LRRK1: variants seen among roughly 807,000 people sequenced by gnomAD.
The protein encoded by LRRK1 is leucine rich repeat kinase 1, also known as leucine-rich repeat serine/threonine-protein kinase 1.
LRRK1 carries 113 observed loss-of-function variants against 209.1 expected under a neutral mutation model. That is an observed-to-expected ratio of 0.54 (90% CI 0.46 to 0.63). LRRK1 has a LOEUF of 0.63. LRRK1 is among the 30% of genes least tolerant of loss of function. The pLI, the probability that LRRK1 is intolerant of heterozygous loss-of-function variation, is 0.00. For synonymous variants in LRRK1, 1,144 were observed against 1,099.7 expected, an observed-to-expected ratio of 1.04 and a Z score of -0.80; for missense variants, 2,284 against 2,632.2, an observed-to-expected ratio of 0.87 and a Z score of 2.89.
chr15:101,020,034 A>G (rs2033705374), intron 12 of LRRK1, among the ~76,000 whole-genome samples: 1 of 152,244 alleles, frequency 6.6e-6, no homozygotes. Flanking sequence ...TAAGAAGCAT[A>G]AAAACAGCCA....
chr15:100,967,125 A>G (rs932833343), intron 2 of LRRK1, among the ~76,000 whole-genome samples: 1 of 152,166 alleles, frequency 6.6e-6, no homozygotes, highest in African/African-American at 2.4e-5. Flanking sequence ...ACAGCAGTTG[A>G]TTCTATTCCT....
At chr15:100,954,959 C>T (rs1228492136) in intron 2 of LRRK1, among the ~76,000 whole-genome samples, 1 of 152,072 alleles carries the variant, frequency 6.6e-6, no homozygotes, top group African/African-American at 2.4e-5. Flanking sequence ...TAGCTATGTT[C>T]TTTCTCAAGA....
chr15:100,927,192 C>A (rs1253782712), intron 2 of LRRK1, among the ~76,000 whole-genome samples: 2 of 152,172 alleles, frequency 1.3e-5, no homozygotes, highest in East Asian at 3.8e-4. Flanking sequence ...CCAGGGATCC[C>A]CCGTTGATTC....
chr15:100,999,051 G>C (rs751808103), intron 6 of LRRK1, among the ~76,000 whole-genome samples: 10 of 152,160 alleles, frequency 6.6e-5, no homozygotes, highest in Admixed American at 1.3e-4. Context: ...TGGAAGTTTT[G>C]TCTTTATTTA....
chr15:100,940,094 G>GT (rs1278686235), intron 2 of LRRK1, among the ~76,000 whole-genome samples: 2 of 152,154 alleles, frequency 1.3e-5, no homozygotes, highest in Non-Finnish European at 2.9e-5. Flanking sequence ...ACGATGCACT[G>GT]TTTCTCCAAG....
At chr15:100,983,049 C>T (rs1056827354) in intron 3 of LRRK1, among the ~76,000 whole-genome samples, 7 of 152,152 alleles carry the variant, frequency 4.6e-5, no homozygotes, top group Non-Finnish European at 8.8e-5. Flanking sequence ...GTGGCATGTG[C>T]CTGCAGTCCC....
Position 101,027,488 on chromosome 15 carries a change from C to T in LRRK1, c.2526+107C>T, listed in dbSNP as rs910506257. On this transcript the variant is annotated intron_variant, in intron 18 of 33. Transcript: ENST00000388948. The surrounding 1 kb of genome is among the most constrained non-coding windows in gnomAD (Gnocchi z 5.1). ...AAGCCCATGTCTGTGTGGCAAGGCT[C>T]GGTGGTTCCTGGTGAGGGAGGGTCA... is the stretch of plus-strand genomic sequence containing the variant. The T allele has an allele frequency of 5.2e-5, 80 of 1,525,034 alleles. No homozygotes were observed. Among genetic ancestry groups the T allele is most frequent in the Non-Finnish European group, 5.9e-5 (67 of 1,131,112 alleles). 94.5% of individuals were successfully genotyped at this position (1,525,034 alleles called of 1,614,324 possible).
chr15:100,970,708 T>A (rs943532203), intron 2 of LRRK1, among the ~76,000 whole-genome samples: 7 of 152,288 alleles, frequency 4.6e-5, no homozygotes, highest in Middle Eastern at 6.8e-3. Flanking sequence ...TCAATTTCTA[T>A]CCCGCAAAAA....
intron 6 of LRRK1, among the ~76,000 whole-genome samples, chr15:100,994,508 C>T (rs1026603181): frequency 2.0e-5 from 3 of 152,236 alleles, no homozygotes; most frequent in Non-Finnish European, 2.9e-5. Flanking sequence ...CTGTTATCTT[C>T]TACCTGTGAT....
chr15:100,950,896 G>A (rs1054159072), intron 2 of LRRK1, among the ~76,000 whole-genome samples: 28 of 152,360 alleles, frequency 1.8e-4, no homozygotes, highest in African/African-American at 6.0e-4. Flanking sequence ...GAGGTCAGGA[G>A]ATCGAGACCA....
Position 101,075,803 on chromosome 15 carries a change from T to C in LRRK1, c.*6955T>C, listed in dbSNP as rs1189332554. The stretch of plus-strand genomic sequence containing the variant: ...TTCTGGATCTCAAACATGCTTTCTT[T>C]ACTATTCCTTTGCACCCTTCATCCC... On this transcript the variant is annotated 3_prime_UTR_variant, in exon 34 of 34. Transcript: ENST00000388948. 6.6e-6 allele frequency: 1 copy of C among 152,034 alleles called. No homozygotes were observed. Among genetic ancestry groups the C allele is most frequent in the Non-Finnish European group, 1.5e-5 (1 of 68,046 alleles). 9.4% of individuals were successfully genotyped at this position (152,034 alleles called of 1,614,324 possible). A position where few individuals can be genotyped will look rare whatever the true frequency, so the allele number is the denominator to read the frequency against.
intron 2 of LRRK1, among the ~76,000 whole-genome samples, chr15:100,946,613 TCTC>T (rs1438211113): frequency 6.6e-6 from 1 of 152,214 alleles, no homozygotes; most frequent in East Asian, 1.9e-4. Flanking sequence ...ATACAGGCAG[TCTC>T]CTCTTCACGG....
chr15:100,927,605 G>T (rs1045063824), intron 2 of LRRK1, among the ~76,000 whole-genome samples: 4 of 152,218 alleles, frequency 2.6e-5, no homozygotes, highest in Non-Finnish European at 5.9e-5. Flanking sequence ...AGGTGTTTGT[G>T]CAGTGACCTA....
At position 101,057,011 on chromosome 15, in the gene LRRK1, G is replaced by C; in HGVS notation, c.4488G>C (p.Gln1496His). The C allele has an allele frequency of 6.2e-7, 1 of 1,613,630 alleles. No homozygotes were observed. The highest frequency in any genetic ancestry group is 8.5e-7 in the Non-Finnish European group (1 of 1,179,734). ...QPEEVQFRRL[Q>H]ALMMECWDTK... The stretch of plus-strand genomic sequence containing the variant: ...AGGAAGTGCAGTTCCGGCGACTGCA[G>C]GCGCTCATGATGGAGTGCTGGGACA... The change falls in exon 28 of 34, where the codon CAG becomes CAC. Residue 1496 changes from glutamine to histidine, a missense_variant. Physicochemically the swap from Gln to His is conservative, Grantham distance 24 (BLOSUM62 0). This residue lies in a region of LRRK1 where 643 missense variants were observed against 695.9 expected (regional missense o/e 0.92). Transcript: ENST00000388948.
intron 2 of LRRK1, among the ~76,000 whole-genome samples, chr15:100,957,966 A>C (rs533133127): frequency 1.4e-3 from 210 of 152,220 alleles, no homozygotes; most frequent in Non-Finnish European, 2.4e-3. Context: ...CCCAGGTTCA[A>C]GTGATTCTCC....
At chr15:100,966,744 T>G (rs1387294253) in intron 2 of LRRK1, among the ~76,000 whole-genome samples, 1 of 152,106 alleles carries the variant, frequency 6.6e-6, no homozygotes, top group Non-Finnish European at 1.5e-5. Context: ...AAAGTCAGAG[T>G]CGAAACAGAT....
intron 2 of LRRK1, among the ~76,000 whole-genome samples, chr15:100,969,720 C>G (rs560713673): frequency 6.6e-6 from 1 of 152,252 alleles, no homozygotes; most frequent in Non-Finnish European, 1.5e-5. Flanking sequence ...TTGGTCAGCT[C>G]CCACTTATAA....
intron 4 of LRRK1, among the ~76,000 whole-genome samples, chr15:100,985,261 G>A (rs1244614096): frequency 1.3e-5 from 2 of 152,096 alleles, no homozygotes; most frequent in African/African-American, 4.8e-5. Flanking sequence ...AGGAGCCAAA[G>A]GCTGACCTGC....
chr15:100,991,257 T>A (rs2032144102), intron 6 of LRRK1, among the ~76,000 whole-genome samples: 3 of 152,236 alleles, frequency 2.0e-5, no homozygotes, highest in Admixed American at 2.0e-4. Context: ...AGTTTTACAA[T>A]CTGTTAATGC....
Sources: allele counts gnomAD v4.1 joint callset (sites outside exome capture counted in the v4.1 genomes callset), GRCh38; gene constraint gnomAD v4.1.1; regional missense constraint gnomAD v4.1.1; non-coding constraint Gnocchi (gnomAD v3.1); transcripts MANE v1.5; gene names NCBI Gene and HGNC (gene_info 2026-07-23, HGNC 2026-07-21).